TENM2: variants seen among roughly 807,000 people sequenced by gnomAD.
The protein encoded by TENM2 is teneurin transmembrane protein 2.
In TENM2, 52 loss-of-function variants were observed where a neutral mutation model predicts 245.2. The observed-to-expected ratio is 0.21, with a 90% confidence interval of 0.17 to 0.27. The LOEUF (loss-of-function observed/expected upper bound fraction) is 0.27. Among genes scored for constraint, TENM2 ranks in the 10% least tolerant of loss-of-function variants. TENM2 has a pLI of 1.00. For missense variants in TENM2, 3,046 were observed against 3,666.8 expected, an observed-to-expected ratio of 0.83 and a Z score of 4.37; for synonymous variants, 1,363 against 1,438.9, an observed-to-expected ratio of 0.95 and a Z score of 1.19.
intron 12 of TENM2, among the ~76,000 whole-genome samples, chr5:168,144,333 C>T (rs375793429): frequency 4.1e-5 from 6 of 148,128 alleles, no homozygotes; most frequent in African/African-American, 7.4e-5. Context: ...CTCCCCCCTA[C>T]CCCCACCCCA....
At chr5:167,064,772 A>G in the TENM2 span, among the ~76,000 whole-genome samples, 1 of 152,226 alleles carries the variant, frequency 6.6e-6, no homozygotes, top group Non-Finnish European at 1.5e-5. Context: ...TCGGTGCTAA[A>G]AGCAAACCTT....
At chr5:168,246,119 G>A (rs1334391412) in intron 26 of TENM2, among the ~76,000 whole-genome samples, 2 of 151,862 alleles carry the variant, frequency 1.3e-5, no homozygotes, top group Non-Finnish European at 2.9e-5. Context: ...TGTAATTCCA[G>A]CTACTTGGGA....
chr5:167,398,630 G>A (rs1392541151), intron 2 of TENM2, among the ~76,000 whole-genome samples: 2 of 151,928 alleles, frequency 1.3e-5, no homozygotes, highest in South Asian at 2.1e-4. Context: ...AGTAGAGATA[G>A]GGTTTCACCC....
chr5:167,375,503 G>T (rs1174419930), intron 2 of TENM2, 30 bp downstream of exon 4: 2 of 1,548,290 alleles, frequency 1.3e-6, no homozygotes, highest in Admixed American at 2.0e-5. Flanking sequence ...ACCTTTTAAC[G>T]TTCTGTGCAC....
At chr5:168,222,874 G>A (rs1019618309) in intron 23 of TENM2, among the ~76,000 whole-genome samples, 4 of 152,060 alleles carry the variant, frequency 2.6e-5, no homozygotes, top group Non-Finnish European at 5.9e-5. Flanking sequence ...CTTCCCAGCC[G>A]TATCTCCAGT....
intron 20 of TENM2, chr5:168,214,732 A>G (rs1198559937): frequency 2.1e-6 from 1 of 484,624 alleles, no homozygotes; most frequent in Non-Finnish European, 4.1e-6. Context: ...ATGGTCTTGA[A>G]TAACTATCCT....
At chr5:168,165,384 T>A (rs1358309670) in intron 13 of TENM2, among the ~76,000 whole-genome samples, 1 of 152,174 alleles carries the variant, frequency 6.6e-6, no homozygotes, top group Non-Finnish European at 1.5e-5. Flanking sequence ...GCTGCTCTCC[T>A]GGCTCCCTTC....
chr5:167,081,485 A>ACT, the TENM2 span, among the ~76,000 whole-genome samples: 1 of 152,190 alleles, frequency 6.6e-6, no homozygotes, highest in Admixed American at 6.5e-5. Context: ...CATTGGAAGA[A>ACT]CTAGTTGGTT....
chr5:167,981,709 A>G (rs1413005804), intron 4 of TENM2, among the ~76,000 whole-genome samples: 2 of 152,198 alleles, frequency 1.3e-5, no homozygotes, highest in Non-Finnish European at 2.9e-5. Flanking sequence ...TTGGCCAGGC[A>G]TGGTGGCTCA....
intron 2 of TENM2, among the ~76,000 whole-genome samples, chr5:167,820,423 C>T (rs964555854): frequency 6.6e-6 from 1 of 152,132 alleles, no homozygotes; most frequent in African/African-American, 2.4e-5. Flanking sequence ...TCTGAAGCTC[C>T]CGGCTCCCGG....
chr5:167,053,932 A>C, the TENM2 span, among the ~76,000 whole-genome samples: 4 of 152,158 alleles, frequency 2.6e-5, no homozygotes, highest in Non-Finnish European at 4.4e-5. Context: ...AAATTGAGCA[A>C]AGGACAGAGA....
chr5:167,956,812 G>A (rs1684343520), intron 4 of TENM2, among the ~76,000 whole-genome samples: 1 of 152,122 alleles, frequency 6.6e-6, no homozygotes, highest in Non-Finnish European at 1.5e-5. Flanking sequence ...TTGCATCCCA[G>A]GGATGAAACC....
the TENM2 span, among the ~76,000 whole-genome samples, chr5:167,099,931 G>C: frequency 6.6e-6 from 1 of 152,132 alleles, no homozygotes; most frequent in African/African-American, 2.4e-5. Flanking sequence ...CTCAGGGTGG[G>C]CACTGCAGTA....
chr5:167,397,651 C>A (rs1304359096), intron 2 of TENM2, among the ~76,000 whole-genome samples: 1 of 152,060 alleles, frequency 6.6e-6, no homozygotes, highest in Admixed American at 6.6e-5. Flanking sequence ...TTATATCATA[C>A]CTTGTAAAGA....
intron 2 of TENM2, among the ~76,000 whole-genome samples, chr5:167,786,137 TG>T (rs1183781151): frequency 1.3e-5 from 2 of 152,194 alleles, no homozygotes; most frequent in Non-Finnish European, 2.9e-5. Flanking sequence ...CCAAATGCCA[TG>T]CTTAGAGTTC....
At chr5:167,243,569 G>C in the TENM2 span, among the ~76,000 whole-genome samples, 1 of 152,150 alleles carries the variant, frequency 6.6e-6, no homozygotes, top group Non-Finnish European at 1.5e-5. Context: ...GCTATCTGAA[G>C]CTGTGATTTT....
chr5:167,048,120 A>G, the TENM2 span, among the ~76,000 whole-genome samples: 1 of 152,208 alleles, frequency 6.6e-6, no homozygotes. Context: ...GTACTCATGA[A>G]TAATTATTTG....
chr5:168,172,187 A>C (rs1451388571), intron 13 of TENM2, among the ~76,000 whole-genome samples: 1 of 152,228 alleles, frequency 6.6e-6, no homozygotes, highest in Non-Finnish European at 1.5e-5. Context: ...CACATAGGAA[A>C]GCCCCAAATC....
chr5:168,262,007 C>T (rs1235779727), intron 28 of TENM2, 42 bp from the exon 31 acceptor site: 1 of 1,584,814 alleles, frequency 6.3e-7, no homozygotes, highest in East Asian at 2.2e-5. Flanking sequence ...GAGAGCTGCC[C>T]AGCTCATCTT....
Sources: allele counts gnomAD v4.1 joint callset (sites outside exome capture counted in the v4.1 genomes callset), GRCh38; gene constraint gnomAD v4.1.1; transcripts MANE v1.5; gene names NCBI Gene and HGNC (gene_info 2026-07-23, HGNC 2026-07-21).